RBPMS: variants seen among roughly 807,000 people sequenced by gnomAD.
The protein encoded by RBPMS is RNA binding protein, mRNA processing factor, also known as RNA-binding protein with multiple splicing.
Under a neutral mutation model 26.8 loss-of-function variants are expected in RBPMS, and 7 were observed. The observed-to-expected ratio is 0.26, with a 90% CI of 0.15 to 0.49. RBPMS has a LOEUF of 0.49. Ranked by LOEUF, RBPMS falls within the 20% of genes least tolerant of loss-of-function variation. RBPMS has a pLI of 0.98. For missense variants in RBPMS, 186 were observed against 250.0 expected (o/e 0.74, Z 1.73); for synonymous variants, 96 against 93.3 (o/e 1.03, Z -0.17).
chr8:30,426,236 G>A (rs899032149), intron 1 of RBPMS, among the ~76,000 whole-genome samples: 3 of 152,188 alleles, frequency 2.0e-5, no homozygotes, highest in East Asian at 1.9e-4. Flanking sequence ...TTCAGATTCC[G>A]TGGTGATTAT....
chr8:30,477,968 T>C (rs1468847873), intron 3 of RBPMS, 131 bp downstream of exon 3: 1 of 649,504 alleles, frequency 1.5e-6, no homozygotes, highest in African/African-American at 1.8e-5. Context: ...AAAAGTGAGA[T>C]GTATTAGGAA....
chr8:30,569,252 TACAGTCTAAGTGTC>T (rs1356207342), intron 8 of RBPMS, among the ~76,000 whole-genome samples: 1 of 152,196 alleles, frequency 6.6e-6, no homozygotes, highest in East Asian at 1.9e-4. Flanking sequence ...TTGTGTGTCC[TACAGTCTAAGTGTC>T]TGAATGGAGG....
intron 5 of RBPMS, among the ~76,000 whole-genome samples, chr8:30,528,977 G>A (rs1209030631): frequency 2.0e-5 from 3 of 151,710 alleles, no homozygotes; most frequent in Non-Finnish European, 4.4e-5. Flanking sequence ...GCGCTTTTGG[G>A]GGCCGAGGTG....
chr8:30,391,171 T>C (rs1807750284), intron 1 of RBPMS, among the ~76,000 whole-genome samples: 1 of 152,200 alleles, frequency 6.6e-6, no homozygotes, highest in East Asian at 1.9e-4. Context: ...GCCTGCCTGG[T>C]CCATCAGATA....
chr8:30,468,424 T>C (rs1223255403), intron 1 of RBPMS, among the ~76,000 whole-genome samples: 1 of 152,098 alleles, frequency 6.6e-6, no homozygotes, highest in African/African-American at 2.4e-5. Context: ...TTTCCTCCCT[T>C]CTAAATTTCT....
At chr8:30,497,412 T>C (rs565520577) in intron 4 of RBPMS, among the ~76,000 whole-genome samples, 2 of 151,924 alleles carry the variant, frequency 1.3e-5, no homozygotes, top group African/African-American at 4.8e-5. Context: ...GGCATGGTAA[T>C]GCACACCTAT....
intron 1 of RBPMS, among the ~76,000 whole-genome samples, chr8:30,455,495 AAG>A (rs1815091805): frequency 6.6e-6 from 1 of 152,188 alleles, no homozygotes; most frequent in Admixed American, 6.5e-5. Flanking sequence ...AGAAGAGAAA[AAG>A]AATTGGGGCA....
chr8:30,545,136 AT>A (rs1400779064), intron 6 of RBPMS: 1 of 1,318,044 alleles, frequency 7.6e-7, no homozygotes, highest in Admixed American at 2.3e-5. Flanking sequence ...TACAGGAAAG[AT>A]TAAGGGTTCC....
intron 1 of RBPMS, among the ~76,000 whole-genome samples, chr8:30,410,143 T>TACATACACAC (rs1809160721): frequency 7.6e-6 from 1 of 132,096 alleles, no homozygotes; most frequent in Admixed American, 7.8e-5. Flanking sequence ...TGACTTAAAA[T>TACATACACAC]ACACACACAC....
At chr8:30,529,059 A>C (rs1823911971) in intron 5 of RBPMS, among the ~76,000 whole-genome samples, 2 of 151,962 alleles carry the variant, frequency 1.3e-5, no homozygotes, top group Admixed American at 6.6e-5. Flanking sequence ...TCTACCAAAA[A>C]AAAATTAAAA....
Position 30,571,935 on chromosome 8 carries a change from G to A in RBPMS, c.*1410G>A, listed in dbSNP as rs1828268932. ...AATGTCATGATTACCTGGTTGGTTT[G>A]GGTTTTTGTTTTGTTATTTTCCATT... On this transcript the variant is annotated 3_prime_UTR_variant, in exon 9 of 9. Transcript: ENST00000397323. The A allele has an allele frequency of 6.6e-6, 1 of 152,142 alleles. No homozygotes were observed. The allele number at this position is 152,142 out of a possible 1,614,324, so 9.4% of individuals were successfully genotyped here. A position where few individuals can be genotyped will look rare whatever the true frequency, so the allele number is the denominator to read the frequency against.
At position 30,385,116 on chromosome 8, in the gene RBPMS, G is replaced by A. The variant is rs774131298; in HGVS notation, c.24G>A (p.Glu8=). The change falls in exon 1 of 9, where the codon GAG becomes GAA. Residue 8 remains glutamate, a synonymous_variant. Transcript: ENST00000397323. ...AGATGAACAACGGCGGCAAAGCCGA[G>A]AAGGAGAACACCCCGAGCGAGGCCA... The part of the protein sequence containing the change: MNNGGKA[E]KENTPSEANL... 2 of 1,528,658 alleles carry A rather than the reference G, an allele frequency of 1.3e-6. No individual in the cohort carries two copies. The highest frequency in any genetic ancestry group is 2.1e-5 in the Admixed American group (1 of 48,544). The allele number at this position is 1,528,658 out of a possible 1,614,324, so 94.7% of individuals were successfully genotyped here. A position where few individuals can be genotyped will look rare whatever the true frequency, so the allele number is the denominator to read the frequency against.
At chr8:30,446,850 C>CGT (rs1813895741) in intron 1 of RBPMS, 3 of 136,520 alleles carry the variant, frequency 2.2e-5, no homozygotes, top group Admixed American at 7.8e-5. Flanking sequence ...TGTGCGCGCG[C>CGT]GCGCGCGCGG....
chr8:30,492,959 A>G (rs190389256), intron 4 of RBPMS, among the ~76,000 whole-genome samples: 66 of 152,296 alleles, frequency 4.3e-4, no homozygotes, highest in Non-Finnish European at 7.8e-4. Context: ...TCACATTGAC[A>G]GGGCATGGTT....
At chr8:30,538,908 C>T (rs1563425978) in intron 5 of RBPMS, among the ~76,000 whole-genome samples, 1 of 152,192 alleles carries the variant, frequency 6.6e-6, no homozygotes, top group African/African-American at 2.4e-5. Context: ...CACCCTATCA[C>T]AGGAGCTAGT....
At chr8:30,491,656 GT>G (rs1819409062) in intron 4 of RBPMS, among the ~76,000 whole-genome samples, 1 of 151,998 alleles carries the variant, frequency 6.6e-6, no homozygotes, top group Non-Finnish European at 1.5e-5. Context: ...TGTCAGTACT[GT>G]TTTCTCTCCT....
intron 8 of RBPMS, among the ~76,000 whole-genome samples, chr8:30,567,134 C>T (rs1163736261): frequency 1.3e-5 from 2 of 152,110 alleles, no homozygotes; most frequent in African/African-American, 4.8e-5. Flanking sequence ...CTAAATAAAG[C>T]GGCAGGCTGC....
At chr8:30,411,664 G>GA (rs796071124) in intron 1 of RBPMS, among the ~76,000 whole-genome samples, 1,064 of 28,212 alleles carry the variant, frequency 0.038, 23 homozygotes, top group African/African-American at 0.13. Flanking sequence ...CCCTGTCTCA[G>GA]AAAAAAAAAA....
intron 1 of RBPMS, chr8:30,385,516 A>C: frequency 7.7e-5 from 14 of 182,460 alleles, no homozygotes; most frequent in East Asian, 1.3e-4. Flanking sequence ...GAAATTGTGT[A>C]TGGATTCAGG....
Sources: allele counts gnomAD v4.1 joint callset (sites outside exome capture counted in the v4.1 genomes callset), GRCh38; gene constraint gnomAD v4.1.1; transcripts MANE v1.5; gene names NCBI Gene and HGNC (gene_info 2026-07-23, HGNC 2026-07-21).